TNFRSF1B: variants seen among roughly 807,000 people sequenced by gnomAD.
TNFRSF1B encodes the protein TNF receptor superfamily member 1B, also known as tumor necrosis factor receptor superfamily member 1B.
Under a neutral mutation model 44.6 loss-of-function variants are expected in TNFRSF1B, and 19 were observed. The ratio of observed to expected loss-of-function variants is 0.43; its 90% CI spans 0.30 to 0.62. The LOEUF (loss-of-function observed/expected upper bound fraction) is 0.62. Among genes scored for constraint, TNFRSF1B ranks in the 20% least tolerant of loss-of-function variants. The pLI is 0.16. For synonymous variants in TNFRSF1B, 252 were observed against 261.1 expected (o/e 0.97, Z 0.34); for missense variants, 541 against 619.9 (o/e 0.87, Z 1.35).
At chr1:12,192,185 T>G (rs1639152925) in intron 4 of TNFRSF1B, among the ~76,000 whole-genome samples, 1 of 152,212 alleles carries the variant, frequency 6.6e-6, no homozygotes, top group Non-Finnish European at 1.5e-5. Flanking sequence ...GAAAGTTATG[T>G]GATGCTGCAA....
chr1:12,192,403 G>T (rs1639165461), intron 4 of TNFRSF1B, 28 bp from the exon 5 acceptor site: 1 of 1,611,844 alleles, frequency 6.2e-7, no homozygotes, highest in Non-Finnish European at 8.5e-7. Context: ...TGTCTGAGTG[G>T]TTGACAAGTT....
intron 1 of TNFRSF1B, among the ~76,000 whole-genome samples, chr1:12,176,687 A>T (rs1204520042): frequency 6.6e-6 from 1 of 152,210 alleles, no homozygotes; most frequent in Admixed American, 6.5e-5. Flanking sequence ...TTTGAGCAAG[A>T]GAGTGACAGG....
chr1:12,204,330 G>T (rs1005301278), intron 9 of TNFRSF1B, among the ~76,000 whole-genome samples: 2 of 152,088 alleles, frequency 1.3e-5, no homozygotes, highest in Non-Finnish European at 2.9e-5. Flanking sequence ...GTGACATTTG[G>T]GTGCTGTGGA....
intron 2 of TNFRSF1B, 85 bp from the exon 3 acceptor site, chr1:12,190,872 T>C: frequency 6.5e-7 from 1 of 1,531,244 alleles, no homozygotes; most frequent in East Asian, 2.3e-5. Context: ...GCTTTAGAAC[T>C]CTGGACTTTG....
At position 12,168,834 on chromosome 1, in the gene TNFRSF1B, C is replaced by A. The variant is rs1370230808; in HGVS notation, c.78+1665C>A. ...CTCCCGCTGATCCTTGGCAGAGAGA[C>A]CCTTCTCAAGCATGAGGCACCTCTC... On this transcript the variant is annotated intron_variant, in intron 1 of 9. Transcript: ENST00000376259. The surrounding 1 kb of genome is among the most constrained non-coding windows in gnomAD (Gnocchi z 4.7). Among the ~76,000 whole-genome samples the A allele has an allele frequency of 6.6e-6, 1 of 152,130 alleles. No homozygotes were observed. The highest frequency in any genetic ancestry group is 1.5e-5 in the Non-Finnish European group (1 of 68,016).
At chr1:12,206,420 T>G (rs1639504032) in intron 9 of TNFRSF1B, among the ~76,000 whole-genome samples, 1 of 151,882 alleles carries the variant, frequency 6.6e-6, no homozygotes, top group Non-Finnish European at 1.5e-5. Context: ...AGTCTGGTCT[T>G]GAACTCCTGG....
At chr1:12,175,566 A>C (rs1638637033) in intron 1 of TNFRSF1B, among the ~76,000 whole-genome samples, 1 of 152,020 alleles carries the variant, frequency 6.6e-6, no homozygotes. Context: ...TGCAACTCAC[A>C]GAGGCCCCAG....
chr1:12,198,018 C>A (rs953947398), intron 8 of TNFRSF1B, among the ~76,000 whole-genome samples: 1 of 151,368 alleles, frequency 6.6e-6, no homozygotes, highest in Non-Finnish European at 1.5e-5. Context: ...CCAGCTACTC[C>A]GGAGGCTGAG....
At chr1:12,196,406 A>G (rs1393088302) in intron 8 of TNFRSF1B, among the ~76,000 whole-genome samples, 3 of 152,234 alleles carry the variant, frequency 2.0e-5, no homozygotes, top group Non-Finnish European at 4.4e-5. Flanking sequence ...CTTACATGCC[A>G]GCCTCATTCC....
Position 12,200,318 on chromosome 1 carries a change from G to C in TNFRSF1B, c.901-1649G>C, listed in dbSNP as rs1236265534. ...ATCAGGGGAAGTTGCAGAGCAGCCT[G>C]TGGGCGGACTCTGGAACAAGAGGCT... is the stretch of plus-strand genomic sequence containing the variant. On this transcript the variant is annotated intron_variant, in intron 8 of 9. Transcript: ENST00000376259. Among the ~76,000 whole-genome samples the C allele has an allele frequency of 4.6e-5, 7 of 152,194 alleles. No individual in the cohort carries two copies. In the East Asian group the frequency reaches 1.4e-3, roughly 29 times the overall value.
intron 1 of TNFRSF1B, among the ~76,000 whole-genome samples, chr1:12,174,202 C>T (rs961468677): frequency 9.5e-4 from 123 of 129,262 alleles, no homozygotes; most frequent in African/African-American, 1.7e-3. Context: ...TTCTCCTTCT[C>T]CTTCTCCTTC....
Position 12,167,063 on chromosome 1 carries a change from C to T in TNFRSF1B, c.-29C>T. 2 of 1,281,876 alleles carry T rather than the reference C, an allele frequency of 1.6e-6. No homozygotes were observed. Among genetic ancestry groups the T allele is most frequent in the Non-Finnish European group, 2.0e-6 (2 of 1,013,470 alleles). 79.4% of individuals were successfully genotyped at this position (1,281,876 alleles called of 1,614,324 possible). A position where few individuals can be genotyped will look rare whatever the true frequency, so the allele number is the denominator to read the frequency against. On this transcript the variant is annotated 5_prime_UTR_variant, in exon 1 of 10. Transcript: ENST00000376259. ...CTGCGAGGGCGCGAGGGCGCGAGGG[C>T]AGGGGGCAACCGGACCCCGCCCGCA...
At position 12,191,221 on chromosome 1, in the gene TNFRSF1B, T is replaced by C. The variant is rs11121885; in HGVS notation, c.307+136T>C. ...TGGAAGTGGCACAGGTGCAGCTGTT[T>C]ACCCCTACCACTGGCATTTTCCTCC... On this transcript the variant is annotated intron_variant, in intron 3 of 9. Transcript: ENST00000376259. 1,365 of 1,199,384 alleles carry C rather than the reference T, an allele frequency of 1.1e-3. 8 individuals are homozygous for C. In the African/African-American group the frequency reaches 0.018, roughly 16 times the overall value. The allele number at this position is 1,199,384 out of a possible 1,614,324, so 74.3% of individuals were successfully genotyped here.
chr1:12,168,859 CTGTT>C lies in TNFRSF1B; in HGVS notation c.78+1693_78+1696del, dbSNP rs1283754972. ...CCCTTCTCAAGCATGAGGCACCTCT[CTGTT>C]TGCCTGGGGAGCCTCCTGTGGCTCC... is the stretch of plus-strand genomic sequence containing the variant. On this transcript the variant is annotated intron_variant, in intron 1 of 9. Coordinates refer to ENST00000376259, the MANE Select transcript of TNFRSF1B (RefSeq NM_001066.3). The surrounding 1 kb of genome is among the most constrained non-coding windows in gnomAD (Gnocchi z 4.7). Among the ~76,000 whole-genome samples, 1 of 152,176 alleles carries C rather than the reference CTGTT, an allele frequency of 6.6e-6. No individual in the cohort carries two copies. Among genetic ancestry groups the C allele is most frequent in the Non-Finnish European group, 1.5e-5 (1 of 68,034 alleles).
At chr1:12,167,712 G>A (rs1638425771) in intron 1 of TNFRSF1B, among the ~76,000 whole-genome samples, 1 of 152,196 alleles carries the variant, frequency 6.6e-6, no homozygotes, top group South Asian at 2.1e-4. Context: ...TGTGTGTCAG[G>A]TCCACTGAGG....
At chr1:12,189,020 C>T (rs1639051533) in intron 2 of TNFRSF1B, 125 bp downstream of exon 2, 1 of 737,630 alleles carries the variant, frequency 1.4e-6, no homozygotes, top group Non-Finnish European at 2.1e-6. Flanking sequence ...CTGGCCCATG[C>T]TCCCTGCTGC....
At position 12,190,458 on chromosome 1, in the gene TNFRSF1B, CAAAAA is replaced by C. The variant is rs4044499; in HGVS notation, c.179-481_179-477del. Among the ~76,000 whole-genome samples the C allele has an allele frequency of 5.9e-4, 36 of 61,518 alleles. 1 individual carries two copies. Among genetic ancestry groups the C allele is most frequent in the African/African-American group, 2.4e-3 (35 of 14,324 alleles). The allele number at this position is 61,518 out of a possible 152,430, so 40.4% of individuals were successfully genotyped here. A position where few individuals can be genotyped will look rare whatever the true frequency, so the allele number is the denominator to read the frequency against. ...TGGGCCACAGAGTGAGATTCTGTCTCAAAAAAAAAAAAAAAAAAAAAAGCAGCTAC... is the reference window on the plus strand; with the variant it reads ...TGGGCCACAGAGTGAGATTCTGTCTCAAAAAAAAAAAAAAAAAGCAGCTAC... On this transcript the variant is annotated intron_variant, in intron 2 of 9. Transcript: ENST00000376259.
In TNFRSF1B at chr1:12,188,879, C is replaced by T. The variant is rs768521380; in HGVS notation, c.162C>T (p.Cys54=). 6.2e-7 allele frequency: 1 copy of T among 1,613,634 alleles called. No individual in the cohort carries two copies. Among genetic ancestry groups the T allele is most frequent in the South Asian group, 1.1e-5 (1 of 91,024 alleles). The change falls in exon 2 of 10, where the codon TGC becomes TGT. Residue 54 remains cysteine, a synonymous_variant. Transcript: ENST00000376259. The stretch of plus-strand genomic sequence containing the variant: ...ATGACCAGACAGCTCAGATGTGCTG[C>T]AGCAAATGCTCGCCGGGTGAGGGCA... The part of the protein sequence containing the change: ...EYYDQTAQMC[C]SKCSPGQHAK...
intron 3 of TNFRSF1B, 158 bp from the exon 4 acceptor site, chr1:12,191,616 C>G (rs1639132789): frequency 1.2e-6 from 1 of 828,310 alleles, no homozygotes; most frequent in Non-Finnish European, 2.0e-6. Context: ...ACTGCCGGTC[C>G]TGCCCCTGGA....
Sources: allele counts gnomAD v4.1 joint callset (sites outside exome capture counted in the v4.1 genomes callset), GRCh38; gene constraint gnomAD v4.1.1; non-coding constraint Gnocchi (gnomAD v3.1); transcripts MANE v1.5; gene names NCBI Gene and HGNC (gene_info 2026-07-23, HGNC 2026-07-21).